Variants in PCDHA2 observed in about 807,000 individuals in gnomAD.
PCDHA2 encodes the protein protocadherin alpha 2.
PCDHA2 carries 58 observed loss-of-function variants against 66.0 expected under a neutral mutation model. The observed-to-expected ratio is 0.88, with a 90% CI of 0.71 to 1.09. PCDHA2 has a LOEUF of 1.09. Ranked by LOEUF, PCDHA2 falls within the 50% of genes least tolerant of loss-of-function variation. The pLI is 0.00. For missense variants in PCDHA2, 1,267 were observed against 1,242.3 expected (o/e 1.02, Z -0.30); for synonymous variants, 634 against 554.0 (o/e 1.14, Z -2.03).
At chr5:140,964,548 G>C (rs1468417797) in intron 1 of PCDHA2, among the ~76,000 whole-genome samples, 1 of 152,102 alleles carries the variant, frequency 6.6e-6, no homozygotes, top group East Asian at 1.9e-4. Context: ...AGATGGCAGC[G>C]ACTTGGAGGG....
chr5:140,866,796 G>A (rs1360079320), intron 1 of PCDHA2: 5 of 152,128 alleles, frequency 3.3e-5, no homozygotes, highest in African/African-American at 1.2e-4. Context: ...TATAGTAAAA[G>A]TCAGGCACAA....
intron 1 of PCDHA2, chr5:140,841,595 C>T (rs2150318765): frequency 2.5e-6 from 4 of 1,614,060 alleles, no homozygotes; most frequent in East Asian, 2.2e-5. Flanking sequence ...TCGGATCGAC[C>T]GCGAGGAGCT....
chr5:140,984,682 A>G (rs2097114582), intron 3 of PCDHA2, among the ~76,000 whole-genome samples: 2 of 152,136 alleles, frequency 1.3e-5, no homozygotes, highest in Non-Finnish European at 2.9e-5. Context: ...AGGACTCAAT[A>G]TATGTTCTGC....
rs189936741 is a variant in PCDHA2, at chr5:140,928,492, C to T, written c.2389-50457C>T. The T allele has an allele frequency of 1.5e-5, 24 of 1,614,150 alleles. No individual in the cohort carries two copies. In the East Asian group the frequency reaches 5.3e-4, roughly 36 times the overall value. ...AGAAGGCCGGGATGGTGGCATTCCT[C>T]CCAGAAGTGCAACAGTGACTATAAA... On this transcript the variant is annotated intron_variant, in intron 1 of 3. Transcript: ENST00000526136.
At chr5:140,882,228 T>G in intron 1 of PCDHA2, 1 of 1,564,682 alleles carries the variant, frequency 6.4e-7, no homozygotes, top group Non-Finnish European at 8.7e-7. Context: ...GGTAAGGCGT[T>G]GTATATATTG....
chr5:140,889,928 G>A (rs554679699), intron 1 of PCDHA2, among the ~76,000 whole-genome samples: 98 of 152,304 alleles, frequency 6.4e-4, no homozygotes, highest in South Asian at 1.5e-3. Context: ...AGAAGCTCAA[G>A]CTGGACTTGT....
rs1228341912 is a variant in PCDHA2 at position 140,843,752 on chromosome 5, T to G, written c.2388+46400T>G. 2.6e-6 allele frequency: 4 copies of G among 1,516,428 alleles called. No individual in the cohort carries two copies. In the African/African-American group the frequency reaches 5.5e-5, roughly 21 times the overall value. The allele number at this position is 1,516,428 out of a possible 1,614,324, so 93.9% of individuals were successfully genotyped here. ...TAAATTTAGAACTCATAAATTCTAT[T>G]TGTGGAAATTGTAGTTACTTTAAAA... On this transcript the variant is annotated intron_variant, in intron 1 of 3. Transcript: ENST00000526136.
intron 1 of PCDHA2, among the ~76,000 whole-genome samples, chr5:140,880,228 A>G (rs2058273237): frequency 6.6e-6 from 1 of 152,196 alleles, no homozygotes; most frequent in Non-Finnish European, 1.5e-5. Context: ...GAACATTTAA[A>G]TTAGTGTATG....
At chr5:140,871,465 CAG>C in intron 1 of PCDHA2, 1 of 1,602,850 alleles carries the variant, frequency 6.2e-7, no homozygotes, top group Non-Finnish European at 8.5e-7. Flanking sequence ...AGGGGAAAGA[CAG>C]GAGCCAGGGT....
intron 1 of PCDHA2, chr5:140,851,388 A>G (rs2042047686): frequency 1.0e-6 from 1 of 974,904 alleles, no homozygotes; most frequent in Admixed American, 6.2e-5. Flanking sequence ...AACCTTCAGT[A>G]TCTATTATTT....
chr5:140,829,966 G>A, intron 1 of PCDHA2: 2 of 1,614,002 alleles, frequency 1.2e-6, no homozygotes, highest in Non-Finnish European at 1.7e-6. Flanking sequence ...TTCGCGTGGG[G>A]CTGTACACGG....
At chr5:141,009,529 T>C in intron 3 of PCDHA2, 98 bp from the exon 4 acceptor site, 2 of 1,505,630 alleles carry the variant, frequency 1.3e-6, no homozygotes, top group Non-Finnish European at 1.8e-6. Context: ...TCTGGGGAGG[T>C]TCAGCCTGCC....
chr5:140,884,491 C>G, intron 1 of PCDHA2: 1 of 1,614,052 alleles, frequency 6.2e-7, no homozygotes, highest in East Asian at 2.2e-5. Flanking sequence ...CTCTAGTGTG[C>G]TCCAGCGCGG....
intron 1 of PCDHA2, among the ~76,000 whole-genome samples, chr5:140,903,212 A>C (rs1387552422): frequency 6.6e-6 from 1 of 152,192 alleles, no homozygotes; most frequent in African/African-American, 2.4e-5. Flanking sequence ...CACCACATTC[A>C]TGCCAACATC....
intron 1 of PCDHA2, chr5:140,870,093 A>G (rs1554163808): frequency 6.8e-6 from 11 of 1,613,930 alleles, no homozygotes; most frequent in Non-Finnish European, 9.3e-6. Context: ...CCCCAATGGC[A>G]GGTCACTGTA....
chr5:140,889,639 G>A (rs1271182789), intron 1 of PCDHA2, among the ~76,000 whole-genome samples: 1 of 151,770 alleles, frequency 6.6e-6, no homozygotes, highest in Non-Finnish European at 1.5e-5. Flanking sequence ...TTTCATTTGT[G>A]TTTGCAGGAG....
chr5:140,891,694 T>A (rs1302084074), intron 1 of PCDHA2, among the ~76,000 whole-genome samples: 1 of 152,236 alleles, frequency 6.6e-6, no homozygotes, highest in East Asian at 1.9e-4. Flanking sequence ...TTCTTGCTGT[T>A]GTCTGAATTT....
chr5:140,928,276 G>A (rs2153595075), intron 1 of PCDHA2: 2 of 1,614,172 alleles, frequency 1.2e-6, no homozygotes, highest in South Asian at 1.1e-5. Context: ...TGGCCCTGGG[G>A]CCTCTCTAGG....
At chr5:140,838,166 T>C (rs1354444358) in intron 1 of PCDHA2, among the ~76,000 whole-genome samples, 1 of 147,660 alleles carries the variant, frequency 6.8e-6, no homozygotes, top group African/African-American at 2.5e-5. Context: ...CTCTCTGGAG[T>C]GCAGTGGTGC....
Sources: gnomAD v4.1 joint callset for allele counts (sites outside exome capture counted in the v4.1 genomes callset) on GRCh38, gnomAD v4.1.1 for gene constraint, MANE v1.5 for transcripts, NCBI Gene and HGNC (gene_info 2026-07-23, HGNC 2026-07-21) for gene names.